Variants in IGSF6 observed in about 807,000 individuals in gnomAD.
IGSF6 encodes immunoglobulin superfamily member 6, also known as down-regulated by activation (immunoglobulin superfamily).
Under a neutral mutation model 24.7 loss-of-function variants are expected in IGSF6, and 23 were observed. The ratio of observed to expected loss-of-function variants is 0.93; its 90% CI spans 0.67 to 1.32. The LOEUF (loss-of-function observed/expected upper bound fraction) is 1.32. IGSF6 is among the 40% of genes most tolerant of loss of function. The pLI, the probability that IGSF6 is intolerant of heterozygous loss-of-function variation, is 0.00. For missense variants in IGSF6, 295 were observed against 293.6 expected (o/e 1.00, Z -0.04); for synonymous variants, 110 against 113.7 (o/e 0.97, Z 0.21).
chr16:21,644,441 A>G (rs117679296), intron 2 of IGSF6, 45 bp from the exon 3 acceptor site: 10 of 1,308,850 alleles, frequency 7.6e-6, no homozygotes, highest in African/African-American at 4.3e-5. Flanking sequence ...ATTAAAGCCT[A>G]TTCTTTCAAA....
intron 1 of IGSF6, chr16:21,652,218 G>A (rs1966594740): frequency 4.6e-6 from 1 of 218,368 alleles, no homozygotes; most frequent in South Asian, 1.5e-4. Context: ...TCTATGTGCA[G>A]ATCAAGTTTG....
At chr16:21,643,497 C>G (rs560543533) in intron 4 of IGSF6, 51 bp downstream of exon 4, 1 of 1,183,756 alleles carries the variant, frequency 8.4e-7, no homozygotes, top group Non-Finnish European at 1.2e-6. Flanking sequence ...GTTTTGAAAT[C>G]GTTACAACCA....
At chr16:21,644,467 T>G in intron 2 of IGSF6, 71 bp from the exon 3 acceptor site, 1 of 1,064,994 alleles carries the variant, frequency 9.4e-7, no homozygotes, top group Middle Eastern at 2.0e-4. Context: ...GTGTAAAGTA[T>G]CCTTCACACT....
At chr16:21,646,675 G>C (rs1966436922) in intron 2 of IGSF6, 1 of 236,282 alleles carries the variant, frequency 4.2e-6, no homozygotes, top group Non-Finnish European at 8.5e-6. Context: ...GTTTTTCTGA[G>C]ATGGAGTCTT....
rs1369424047 is a variant in IGSF6, at chr16:21,643,163, A to G, written c.586-9T>C. 5.0e-6 allele frequency: 8 copies of G among 1,589,834 alleles called. No individual in the cohort carries two copies. The highest frequency in any genetic ancestry group is 6.9e-6 in the Non-Finnish European group (8 of 1,164,058). On this transcript the variant is annotated splice_polypyrimidine_tract_variant and intron_variant, in intron 4 of 5. Transcript: ENST00000268389. ...CGCCGAGCACTCTTCTTCTATAAAGACAAATGAGAAAAAAAAATTCTCTTT... is the reference window on the plus strand; with the variant it reads ...CGCCGAGCACTCTTCTTCTATAAAGGCAAATGAGAAAAAAAAATTCTCTTT...
intron 5 of IGSF6, among the ~76,000 whole-genome samples, chr16:21,642,818 C>G (rs773948493): frequency 6.6e-6 from 1 of 152,138 alleles, no homozygotes; most frequent in Non-Finnish European, 1.5e-5. Context: ...GTATTGAAAA[C>G]ATTGCTCGTG....
chr16:21,644,964 A>G (rs1018589506), intron 2 of IGSF6, among the ~76,000 whole-genome samples: 1 of 152,188 alleles, frequency 6.6e-6, no homozygotes, highest in African/African-American at 2.4e-5. Context: ...TTCTTTCTTT[A>G]TGATAAAATT....
At chr16:21,646,884 G>C (rs964205476) in intron 2 of IGSF6, 1 of 481,474 alleles carries the variant, frequency 2.1e-6, no homozygotes. Flanking sequence ...TTGAACTCCT[G>C]ACCTCAAGTG....
Position 21,647,596 on chromosome 16 carries a change from A to G in IGSF6, c.68-104T>C, listed in dbSNP as rs1310884252. 5 of 1,376,756 alleles carry G rather than the reference A, an allele frequency of 3.6e-6. No individual in the cohort carries two copies. The East Asian group carries it at 1.2e-4, about 33-fold the overall frequency. 85.3% of individuals were successfully genotyped at this position (1,376,756 alleles called of 1,614,324 possible). On this transcript the variant is annotated intron_variant, in intron 1 of 5. Coordinates refer to ENST00000268389, the MANE Select transcript of IGSF6 (RefSeq NM_005849.4). ...ACCCAGCCATTCTGTTATTTTTCTTACCTTAATCCCAATATAAATAAGACT... is the reference window on the plus strand; with the variant it reads ...ACCCAGCCATTCTGTTATTTTTCTTGCCTTAATCCCAATATAAATAAGACT...
chr16:21,644,503 T>TA (rs1966371010), intron 2 of IGSF6, 107 bp from the exon 3 acceptor site: 5 of 726,328 alleles, frequency 6.9e-6, no homozygotes, highest in Admixed American at 4.9e-5. Context: ...AACGTGAACT[T>TA]ACTCTGCTTG....
At chr16:21,644,579 A>G (rs1966373672) in intron 2 of IGSF6, among the ~76,000 whole-genome samples, 183 bp from the exon 3 acceptor site, 1 of 152,246 alleles carries the variant, frequency 6.6e-6, no homozygotes, top group Non-Finnish European at 1.5e-5. Flanking sequence ...CCAGTTCATC[A>G]GTTCTTTAAA....
At chr16:21,648,685 T>A (rs1211190738) in intron 1 of IGSF6, among the ~76,000 whole-genome samples, 1 of 152,236 alleles carries the variant, frequency 6.6e-6, no homozygotes, top group Non-Finnish European at 1.5e-5. Flanking sequence ...TAAACCCTTC[T>A]TTTGCGGCAG....
At chr16:21,650,299 G>T (rs949137084) in intron 1 of IGSF6, among the ~76,000 whole-genome samples, 6 of 152,150 alleles carry the variant, frequency 3.9e-5, no homozygotes, top group Non-Finnish European at 7.4e-5. Flanking sequence ...CTGAGGTCAG[G>T]CGTTCGAGAC....
intron 2 of IGSF6, among the ~76,000 whole-genome samples, chr16:21,645,958 T>C (rs1403541315): frequency 6.6e-6 from 1 of 152,166 alleles, no homozygotes; most frequent in East Asian, 1.9e-4. Flanking sequence ...AAAGCACAGG[T>C]TATAATACTG....
Position 21,643,090 on chromosome 16 carries a change from T to G in IGSF6, c.650A>C (p.Glu217Ala), listed in dbSNP as rs762297637. 2 of 1,605,974 alleles carry G rather than the reference T, an allele frequency of 1.2e-6. No homozygotes were observed. Residue 217 changes from glutamate to alanine, a missense_variant, in exon 5 of 6, where the codon GAA becomes GCA. Coordinates refer to ENST00000268389, the MANE Select transcript of IGSF6 (RefSeq NM_005849.4). ...TACACTTACAGATTGCTGATTTGTT[T>G]CCACATGTCTCTTATGGTATAGTTC... ...AQELYHKRHV[E>A]TNQQSEKDNN...
In IGSF6 at chr16:21,647,462, G is replaced by A; in HGVS notation, c.98C>T (p.Thr33Ile). 6.2e-7 allele frequency: 1 copy of A among 1,613,902 alleles called. No homozygotes were observed. The highest frequency in any genetic ancestry group is 2.2e-5 in the East Asian group (1 of 44,872). The change falls in exon 2 of 6, where the codon ACA (threonine) becomes ATA (isoleucine). Residue 33 changes from threonine to isoleucine, a missense_variant. By Grantham distance (89) the Thr-to-Ile change is moderately conservative. Coordinates refer to ENST00000268389, the MANE Select transcript of IGSF6 (RefSeq NM_005849.4). ...GAVGACTLSV[T>I]QPWYLEVDYT... ...GTCCACTTCTAGGTACCACGGTTGT[G>A]TGACAGAGAGAGTACAGGCGCCCAC... is the stretch of plus-strand genomic sequence containing the variant.
At position 21,640,225 on chromosome 16, in the gene IGSF6, A is replaced by G. The variant is rs570669467; in HGVS notation, c.*1309T>C. 6.6e-6 allele frequency: 1 copy of G among 151,746 alleles called. No individual in the cohort carries two copies. Among genetic ancestry groups the G allele is most frequent in the Non-Finnish European group, 1.5e-5 (1 of 67,954 alleles). The allele number at this position is 151,746 out of a possible 1,614,324, so 9.4% of individuals were successfully genotyped here. ...AGTGTTGGGATTACAGGCGTGAGCCACCACACCCGGCCTAAAAGAGACACT... is the reference window on the plus strand; with the variant it reads ...AGTGTTGGGATTACAGGCGTGAGCCGCCACACCCGGCCTAAAAGAGACACT... On this transcript the variant is annotated 3_prime_UTR_variant, in exon 6 of 6. Transcript: ENST00000268389.
chr16:21,642,606 A>C (rs1203557316), intron 5 of IGSF6, among the ~76,000 whole-genome samples: 2 of 152,184 alleles, frequency 1.3e-5, no homozygotes, highest in Non-Finnish European at 2.9e-5. Context: ...GTTCAACTCC[A>C]GACACTGGAG....
At chr16:21,649,279 C>G (rs2141622277) in intron 1 of IGSF6, among the ~76,000 whole-genome samples, 1 of 152,294 alleles carries the variant, frequency 6.6e-6, no homozygotes, top group East Asian at 1.9e-4. Flanking sequence ...AGGTGTGAGC[C>G]ACTGCGCCTT....
Sources: allele counts gnomAD v4.1 joint callset (sites outside exome capture counted in the v4.1 genomes callset), GRCh38; gene constraint gnomAD v4.1.1; transcripts MANE v1.5; gene names NCBI Gene and HGNC (gene_info 2026-07-23, HGNC 2026-07-21).